PGAP2: variants seen among roughly 807,000 people sequenced by gnomAD.
The protein encoded by PGAP2 is acyltransferase PGAP2.
Under a neutral mutation model 33.2 loss-of-function variants are expected in PGAP2, and 21 were observed. The observed-to-expected ratio is 0.63, with a 90% CI of 0.45 to 0.91. PGAP2 has a LOEUF of 0.91. Ranked by LOEUF, PGAP2 falls within the 40% of genes least tolerant of loss-of-function variation. The pLI is 0.00. For missense variants in PGAP2, 345 were observed against 424.0 expected, an observed-to-expected ratio of 0.81 and a Z score of 1.64; for synonymous variants, 161 against 172.9, an observed-to-expected ratio of 0.93 and a Z score of 0.54.
rs1055628 is a variant in PGAP2 at position 3,825,566 on chromosome 11, G to T, written c.*108G>T. 1 of 1,219,496 alleles carries T rather than the reference G, an allele frequency of 8.2e-7. No homozygotes were observed. The highest frequency in any genetic ancestry group is 1.5e-5 in the South Asian group (1 of 67,414). 75.5% of individuals were successfully genotyped at this position (1,219,496 alleles called of 1,614,324 possible). A position where few individuals can be genotyped will look rare whatever the true frequency, so the allele number is the denominator to read the frequency against. On this transcript the variant is annotated 3_prime_UTR_variant, in exon 7 of 7. Transcript: ENST00000278243. Reference sequence around the variant, plus strand: ...ATCCTCTCTTGGCCTTACTGAAGATGGGGGAAGGGTAAGAAGGAAGGGTGT... The same window carrying T: ...ATCCTCTCTTGGCCTTACTGAAGATTGGGGAAGGGTAAGAAGGAAGGGTGT...
intron 2 of PGAP2, among the ~76,000 whole-genome samples, chr11:3,812,119 G>A (rs1426894272): frequency 3.3e-5 from 5 of 151,952 alleles, no homozygotes; most frequent in African/African-American, 4.8e-5. Context: ...TATGGGGTGC[G>A]GGGCCAGGAA....
intron 3 of PGAP2, among the ~76,000 whole-genome samples, chr11:3,823,192 C>T (rs569302064): frequency 2.0e-5 from 3 of 151,728 alleles, no homozygotes; most frequent in Non-Finnish European, 4.4e-5. Context: ...CTGGCCACCA[C>T]GCCTGGCTAA....
intron 1 of PGAP2, among the ~76,000 whole-genome samples, chr11:3,799,928 A>G (rs1179649632): frequency 6.6e-6 from 1 of 152,148 alleles, no homozygotes; most frequent in African/African-American, 2.4e-5. Flanking sequence ...GATTACAGTC[A>G]TGCCACTCCC....
chr11:3,823,658 G>C (rs2089408026), intron 3 of PGAP2: 1 of 1,547,994 alleles, frequency 6.5e-7, no homozygotes, highest in African/African-American at 1.4e-5. Flanking sequence ...CCACCATGCT[G>C]CTGCACAAAT....
intron 1 of PGAP2, among the ~76,000 whole-genome samples, chr11:3,798,394 A>G (rs1326727554): frequency 6.6e-6 from 1 of 152,138 alleles, no homozygotes; most frequent in Admixed American, 6.5e-5. Flanking sequence ...CATTGGCGCA[A>G]TCTCGGCTCA....
At chr11:3,798,869 C>T (rs1166080358) in intron 1 of PGAP2, among the ~76,000 whole-genome samples, 1 of 151,978 alleles carries the variant, frequency 6.6e-6, no homozygotes. Flanking sequence ...TCTCGAACTC[C>T]GGAACTCAGG....
At chr11:3,805,027 C>T (rs1231472248), upstream of PGAP2, among the ~76,000 whole-genome samples, 1 of 152,008 alleles carries the variant, frequency 6.6e-6, no homozygotes, top group African/African-American at 2.4e-5. Flanking sequence ...TTTCTTTTAT[C>T]TTCCCTCACA....
chr11:3,822,007 G>A (rs1384397287), intron 3 of PGAP2, among the ~76,000 whole-genome samples: 2 of 151,790 alleles, frequency 1.3e-5, no homozygotes, highest in Non-Finnish European at 2.9e-5. Context: ...GCAGTGAGCC[G>A]AGATCGGGCT....
Position 3,817,439 on chromosome 11 carries a change from C to G in PGAP2, c.252C>G (p.Val84=), listed in dbSNP as rs1590306014. The G allele has an allele frequency of 6.2e-7, 1 of 1,614,028 alleles. No individual in the cohort carries two copies. Among genetic ancestry groups the G allele is most frequent in the Non-Finnish European group, 8.5e-7 (1 of 1,179,920 alleles). ...TLFRLRFTAM[V]WWAITFPVFG... ...TCCGGCTTCGCTTCACAGCCATGGTCTGGTGGGCCATCACTTTTCCTGTGT... is the reference window on the plus strand; with the variant it reads ...TCCGGCTTCGCTTCACAGCCATGGTGTGGTGGGCCATCACTTTTCCTGTGT... The change falls in exon 3 of 7, where the codon GTC becomes GTG. Residue 84 remains valine, a synonymous_variant. Coordinates refer to ENST00000278243, the MANE Select transcript of PGAP2 (RefSeq NM_014489.4).
At chr11:3,798,100 G>C in intron 1 of PGAP2, 1 of 1,489,068 alleles carries the variant, frequency 6.7e-7, no homozygotes, top group Non-Finnish European at 8.9e-7. Flanking sequence ...CCTCTTGGAA[G>C]GTCTGTCTGT....
upstream of PGAP2, among the ~76,000 whole-genome samples, chr11:3,806,349 T>A (rs2084336389): frequency 6.6e-6 from 1 of 152,050 alleles, no homozygotes; most frequent in African/African-American, 2.4e-5. Context: ...GTTTTGCTAG[T>A]CCATTTGTCC....
upstream of PGAP2, among the ~76,000 whole-genome samples, chr11:3,804,073 G>T (rs1030088475): frequency 6.6e-6 from 1 of 152,172 alleles, no homozygotes; most frequent in Non-Finnish European, 1.5e-5. Flanking sequence ...TTACAGGCAT[G>T]AGCCACCATG....
chr11:3,808,246 A>C, upstream of PGAP2: 1 of 1,548,790 alleles, frequency 6.5e-7, no homozygotes, highest in Non-Finnish European at 8.7e-7. Context: ...CGGGCGGATG[A>C]GAAAGAAATC....
chr11:3,825,115 T>C lies in PGAP2; in HGVS notation c.804T>C (p.Tyr268=). Residue 268 remains tyrosine, a synonymous_variant, in exon 6 of 7, where the codon TAT becomes TAC. Transcript: ENST00000278243. ...ALAVYFRHNM[Y]CEAGVYTIFA... ...CTGTCTACTTTCGGCACAACATGTA[T>C]TGTGAGGCTGGAGGTGAGGCCAGGA... 1.2e-6 allele frequency: 2 copies of C among 1,614,102 alleles called. No individual in the cohort carries two copies. Among genetic ancestry groups the C allele is most frequent in the Non-Finnish European group, 1.7e-6 (2 of 1,180,004 alleles).
intron 2 of PGAP2, among the ~76,000 whole-genome samples, chr11:3,816,608 T>C (rs61899362): frequency 0.093 from 14,084 of 152,128 alleles, 901 homozygotes; most frequent in Middle Eastern, 0.16. Flanking sequence ...TGGGTGACAT[T>C]GCATCTCCTC....
upstream of PGAP2, chr11:3,808,546 G>A (rs1384685995): frequency 2.9e-6 from 4 of 1,393,460 alleles, no homozygotes; most frequent in Admixed American, 6.2e-5. Flanking sequence ...GAGAGCGCCG[G>A]CCCCGCCCCC....
At chr11:3,810,297 A>C (rs1408422094) in intron 1 of PGAP2, among the ~76,000 whole-genome samples, 1 of 152,194 alleles carries the variant, frequency 6.6e-6, no homozygotes, top group Non-Finnish European at 1.5e-5. Context: ...ACAGAGAGGA[A>C]GGGGTCAAGG....
chr11:3,817,212 T>G (rs754657799), intron 2 of PGAP2, 141 bp from the exon 3 acceptor site: 2 of 691,866 alleles, frequency 2.9e-6, no homozygotes, highest in Non-Finnish European at 5.1e-6. Context: ...CTGCACTGTC[T>G]TCCTTTTCCC....
intron 3 of PGAP2, chr11:3,822,984 A>G: frequency 4.8e-6 from 7 of 1,466,800 alleles, no homozygotes; most frequent in Non-Finnish European, 6.5e-6. Context: ...ATTTCCTTAG[A>G]CTACCCCAGG....
Sources: allele counts gnomAD v4.1 joint callset (sites outside exome capture counted in the v4.1 genomes callset), GRCh38; gene constraint gnomAD v4.1.1; transcripts MANE v1.5; gene names NCBI Gene and HGNC (gene_info 2026-07-23, HGNC 2026-07-21).